Variants in SH2D4B observed in about 807,000 individuals in gnomAD.
SH2D4B encodes the protein SH2 domain-containing protein 4B.
SH2D4B carries 45 observed loss-of-function variants against 61.5 expected under a neutral mutation model. The ratio of observed to expected loss-of-function variants is 0.73; its 90% CI spans 0.58 to 0.94. SH2D4B has a LOEUF of 0.94. Ranked by LOEUF, SH2D4B falls within the 40% of genes least tolerant of loss-of-function variation. The pLI is 0.00. For synonymous variants in SH2D4B, 224 were observed against 220.4 expected, an observed-to-expected ratio of 1.02 and a Z score of -0.14; for missense variants, 572 against 574.2, an observed-to-expected ratio of 1.00 and a Z score of 0.04.
intron 3 of SH2D4B, among the ~76,000 whole-genome samples, chr10:80,574,692 C>CAATTAATTAATT (rs144004654): frequency 4.6e-5 from 7 of 151,066 alleles, no homozygotes; most frequent in Admixed American, 4.6e-4. Flanking sequence ...TTTTTATTAT[C>CAATTAATTAATT]AATTAATTAA....
rs530224807 is a variant in SH2D4B, at chr10:80,571,442, A to C, written c.359A>C (p.Glu120Ala). Residue 120 changes from glutamate to alanine, a missense_variant, in exon 3 of 8, where the codon GAG becomes GCG. Physicochemically the swap from Glu to Ala is moderately radical, Grantham distance 107 (BLOSUM62 -1). Transcript: ENST00000646907. ...TGCTCTCTTGGTAGGAGACAGAAGG[A>C]GGCAGAGATCACCAAGAAGTTCCGG... is the stretch of plus-strand genomic sequence containing the variant. The part of the protein sequence containing the change: ...REAEELWRQK[E>A]AEITKKFRDA... 5 of 1,613,858 alleles carry C rather than the reference A, an allele frequency of 3.1e-6. No homozygotes were observed. The highest frequency in any genetic ancestry group is 4.2e-6 in the Non-Finnish European group (5 of 1,179,852).
chr10:80,601,949 T>G (rs1372506245), intron 4 of SH2D4B, among the ~76,000 whole-genome samples: 1 of 152,196 alleles, frequency 6.6e-6, no homozygotes, highest in East Asian at 1.9e-4. Flanking sequence ...AGCAAGAGGT[T>G]TTTTTGCAAA....
At chr10:80,562,894 C>CTTTTTTTTTTTTTTTTTTTTTTTTTTTT (rs34539206) in intron 1 of SH2D4B, among the ~76,000 whole-genome samples, 2 of 74,696 alleles carry the variant, frequency 2.7e-5, no homozygotes, top group Non-Finnish European at 4.8e-5. Context: ...AACATTTTTT[C>CTTTTTTTTTTTTTTTTTTTTTTTTTTTT]TTTTTTTTTT....
At chr10:80,585,574 C>G (rs1188519159) in intron 3 of SH2D4B, among the ~76,000 whole-genome samples, 1 of 152,214 alleles carries the variant, frequency 6.6e-6, no homozygotes, top group African/African-American at 2.4e-5. Context: ...CTTGGCCTCC[C>G]AAAGTGCTGG....
At chr10:80,619,451 C>T (rs1474255538) in intron 6 of SH2D4B, among the ~76,000 whole-genome samples, 1 of 152,226 alleles carries the variant, frequency 6.6e-6, no homozygotes, top group African/African-American at 2.4e-5. Context: ...GGTGCTTGGG[C>T]CCAGAGAAGC....
At chr10:80,606,201 T>C (rs1309901135) in intron 5 of SH2D4B, among the ~76,000 whole-genome samples, 2 of 151,354 alleles carry the variant, frequency 1.3e-5, no homozygotes, top group East Asian at 3.9e-4. Context: ...GGAGGAGAGG[T>C]TCAGATTCAG....
Position 80,600,098 on chromosome 10 carries a change from T to G in SH2D4B, c.644-3481T>G, listed in dbSNP as rs552781482. Among the ~76,000 whole-genome samples the G allele has an allele frequency of 1.4e-3, 219 of 152,276 alleles. 1 individual carries two copies. The highest frequency in any genetic ancestry group is 5.0e-3 in the African/African-American group (208 of 41,560). ...CGCCATGTACTGTCCCATTTACATC[T>G]CAGAGCAACCCAGTCAGGCCCCCAC... is the stretch of plus-strand genomic sequence containing the variant. On this transcript the variant is annotated intron_variant, in intron 4 of 7. Transcript: ENST00000646907.
At chr10:80,626,061 T>C (rs1842764587) in intron 6 of SH2D4B, among the ~76,000 whole-genome samples, 1 of 152,216 alleles carries the variant, frequency 6.6e-6, no homozygotes. Flanking sequence ...TATCCATTTT[T>C]ATTATTGTCT....
intron 3 of SH2D4B, among the ~76,000 whole-genome samples, chr10:80,577,018 C>T (rs1842133469): frequency 6.6e-6 from 1 of 152,252 alleles, no homozygotes; most frequent in Admixed American, 6.5e-5. Context: ...CTGCCTGCCT[C>T]AGCCTCCCAA....
At chr10:80,579,932 C>A (rs886304525) in intron 3 of SH2D4B, among the ~76,000 whole-genome samples, 4 of 152,216 alleles carry the variant, frequency 2.6e-5, no homozygotes, top group Non-Finnish European at 5.9e-5. Context: ...TCATCACAAA[C>A]CCTGTCTTCT....
intron 1 of SH2D4B, among the ~76,000 whole-genome samples, chr10:80,563,882 T>C (rs1219538029): frequency 6.6e-6 from 1 of 152,206 alleles, no homozygotes; most frequent in African/African-American, 2.4e-5. Flanking sequence ...AAAGGCATCA[T>C]TCAAATTATG....
At chr10:80,600,570 C>T (rs1382938006) in intron 4 of SH2D4B, among the ~76,000 whole-genome samples, 2 of 148,306 alleles carry the variant, frequency 1.3e-5, no homozygotes, top group Non-Finnish European at 3.0e-5. Flanking sequence ...AAGGAGCCCA[C>T]TGAGCTGAGA....
At chr10:80,630,368 G>C (rs1004424098) in intron 6 of SH2D4B, among the ~76,000 whole-genome samples, 3 of 152,220 alleles carry the variant, frequency 2.0e-5, no homozygotes, top group African/African-American at 4.8e-5. Context: ...GGCCTGGGCT[G>C]CTTGCTCCCA....
chr10:80,593,863 G>A (rs756013844), intron 4 of SH2D4B, among the ~76,000 whole-genome samples: 1 of 152,148 alleles, frequency 6.6e-6, no homozygotes, highest in Non-Finnish European at 1.5e-5. Flanking sequence ...AGGCTGGAGT[G>A]CAGTGGCATT....
intron 1 of SH2D4B, among the ~76,000 whole-genome samples, chr10:80,543,648 G>A (rs1409669252): frequency 6.6e-6 from 1 of 152,236 alleles, no homozygotes; most frequent in Admixed American, 6.5e-5. Context: ...CCCAGTGCGG[G>A]ATCCACTGGG....
chr10:80,601,289 A>G (rs1842449847), intron 4 of SH2D4B, among the ~76,000 whole-genome samples: 1 of 152,230 alleles, frequency 6.6e-6, no homozygotes, highest in African/African-American at 2.4e-5. Flanking sequence ...GCTCCCCAGC[A>G]GAATGCGAGG....
chr10:80,544,672 G>C (rs1234512468), intron 1 of SH2D4B, among the ~76,000 whole-genome samples: 1 of 152,240 alleles, frequency 6.6e-6, no homozygotes, highest in Admixed American at 6.5e-5. Flanking sequence ...CCCTGCACCT[G>C]CCTGCAGACA....
In SH2D4B at chr10:80,570,266, G is replaced by C; in HGVS notation, c.297G>C (p.Leu99=). ...CCTACGAAGAGATCTCTGAGGAGCT[G>C]ATTGCAGAGAGGGCGCGGCTGCAGG... ...DKPYEEISEE[L]IAERARLQAQ... The change falls in exon 2 of 8, where the codon CTG becomes CTC. Residue 99 remains leucine (L), a synonymous_variant. Transcript: ENST00000646907. 1 of 1,614,022 alleles carries C rather than the reference G, an allele frequency of 6.2e-7. No individual in the cohort carries two copies. The highest frequency in any genetic ancestry group is 8.5e-7 in the Non-Finnish European group (1 of 1,179,996).
At chr10:80,632,151 G>A (rs1026677202) in intron 6 of SH2D4B, among the ~76,000 whole-genome samples, 3 of 151,596 alleles carry the variant, frequency 2.0e-5, no homozygotes, top group African/African-American at 7.3e-5. Context: ...ACAACAACAT[G>A]GGCTATGTTG....
Sources: allele counts gnomAD v4.1 joint callset (sites outside exome capture counted in the v4.1 genomes callset), GRCh38; gene constraint gnomAD v4.1.1; transcripts MANE v1.5; gene names NCBI Gene and HGNC (gene_info 2026-07-23, HGNC 2026-07-21).